The following DGKD variants were observed in gnomAD, a reference collection of about 807,000 sequenced individuals.
DGKD encodes the protein diacylglycerol kinase delta.
In DGKD, 68 loss-of-function variants were observed where a neutral mutation model predicts 154.4. The ratio of observed to expected loss-of-function variants is 0.44; its 90% confidence interval spans 0.36 to 0.54. The LOEUF (loss-of-function observed/expected upper bound fraction) is 0.54, where lower values mean the gene tolerates loss of function less well. DGKD is among the 20% of genes least tolerant of loss of function. The pLI is 0.00. For synonymous variants in DGKD, 693 were observed against 638.0 expected, an observed-to-expected ratio of 1.09 and a Z score of -1.30; for missense variants, 1,343 against 1,593.6, an observed-to-expected ratio of 0.84 and a Z score of 2.68.
chr2:233,401,953 C>G (rs183108121), intron 3 of DGKD, among the ~76,000 whole-genome samples: 1,744 of 136,558 alleles, frequency 0.013, 24 homozygotes, highest in Non-Finnish European at 0.02. Context: ...AAAAAGCAAG[C>G]ACTATAAACC....
chr2:233,359,982 A>G (rs370857417), intron 1 of DGKD, among the ~76,000 whole-genome samples: 12 of 152,312 alleles, frequency 7.9e-5, no homozygotes, highest in East Asian at 7.7e-4. Context: ...TGGGTCTGGA[A>G]GGTGAGTAGG....
chr2:233,390,077 G>T (rs1703491371), intron 2 of DGKD, among the ~76,000 whole-genome samples: 1 of 152,150 alleles, frequency 6.6e-6, no homozygotes, highest in Non-Finnish European at 1.5e-5. Flanking sequence ...GTGAATACTG[G>T]TATTGACAGT....
chr2:233,415,183 G>T (rs770659953), intron 3 of DGKD, among the ~76,000 whole-genome samples: 4 of 152,226 alleles, frequency 2.6e-5, no homozygotes, highest in African/African-American at 7.2e-5. Context: ...AGGAGACATG[G>T]CTGTTTTCCC....
intron 27 of DGKD, among the ~76,000 whole-genome samples, chr2:233,464,896 G>C (rs941740972): frequency 2.0e-5 from 3 of 152,260 alleles, no homozygotes; most frequent in African/African-American, 7.2e-5. Flanking sequence ...ACACAGAGGG[G>C]CCCTGAGGAA....
Position 233,449,996 on chromosome 2 carries a change from A to G in DGKD, c.1903A>G (p.Asn635Asp), listed in dbSNP as rs2063218272. The G allele has an allele frequency of 6.2e-7, 1 of 1,604,956 alleles. No individual in the cohort carries two copies. Residue 635 changes from asparagine (N) to aspartate (D), a missense_variant, in exon 16 of 30, where the codon AAT becomes GAT. Around this residue, in one of 6 missense-constraint regions of DGKD, gnomAD observed 409 missense variants for 446.0 expected, o/e 0.92. Coordinates refer to ENST00000264057, the MANE Select transcript of DGKD (RefSeq NM_152879.3). The surrounding 1 kb of genome is among the most constrained non-coding windows in gnomAD (Gnocchi z 5.3). Reference sequence around the variant, plus strand: ...TCCTTGCACAGCTGTCGATGAGCAGAATGCCCAGACCCAGGAGCAGGAGGG... The same window carrying G: ...TCCTTGCACAGCTGTCGATGAGCAGGATGCCCAGACCCAGGAGCAGGAGGG... ...EHTEKAVDEQ[N>D]AQTQEQEGFV...
chr2:233,465,246 AAATAAT>A (rs1332163220), intron 27 of DGKD, among the ~76,000 whole-genome samples: 1 of 152,244 alleles, frequency 6.6e-6, no homozygotes, highest in Non-Finnish European at 1.5e-5. Flanking sequence ...AAAATTACAA[AAATAAT>A]AATATACAAT....
At chr2:233,389,573 TAA>T (rs34888206) in intron 2 of DGKD, among the ~76,000 whole-genome samples, 89 of 143,086 alleles carry the variant, frequency 6.2e-4, no homozygotes, top group South Asian at 2.8e-3. Flanking sequence ...TTCCCTCAAT[TAA>T]AAAAAAAAAA....
At chr2:233,430,167 T>G (rs1340124032) in intron 3 of DGKD, among the ~76,000 whole-genome samples, 1 of 152,254 alleles carries the variant, frequency 6.6e-6, no homozygotes, top group Non-Finnish European at 1.5e-5. Context: ...GGGAATAATT[T>G]GGCAATAGCT....
rs867826595 is a variant in DGKD at position 233,354,497 on chromosome 2, G to A, written c.-22G>A. 2.0e-3 allele frequency: 1,972 copies of A among 975,700 alleles called. 40 individuals carry two copies. The African/African-American group carries it at 0.033, about 16-fold the overall frequency. 60.4% of individuals were successfully genotyped at this position (975,700 alleles called of 1,614,324 possible). ...CGGCCCCGCCCCGCCCCCGCCCGCG[G>A]TGCGCGCGCTGGCCCGGCAGCATGG... On this transcript the variant is annotated 5_prime_UTR_variant, in exon 1 of 30. The change creates a new upstream start codon in the 5' untranslated region. Coordinates refer to ENST00000264057, the MANE Select transcript of DGKD (RefSeq NM_152879.3). The surrounding 1 kb of genome is among the most constrained non-coding windows in gnomAD (Gnocchi z 4.8).
intron 3 of DGKD, among the ~76,000 whole-genome samples, chr2:233,409,798 T>G (rs894609647): frequency 1.4e-5 from 2 of 142,374 alleles, no homozygotes; most frequent in African/African-American, 2.7e-5. Context: ...TTTTTTTTTT[T>G]TTTTTTTTTT....
chr2:233,379,446 A>G (rs982168154), intron 1 of DGKD, among the ~76,000 whole-genome samples: 1 of 152,198 alleles, frequency 6.6e-6, no homozygotes, highest in African/African-American at 2.4e-5. Flanking sequence ...CTAGATGACA[A>G]GGAAAGCAAG....
At chr2:233,369,257 G>A (rs1167862564) in intron 1 of DGKD, among the ~76,000 whole-genome samples, 1 of 152,104 alleles carries the variant, frequency 6.6e-6, no homozygotes. Flanking sequence ...GGGGGCCTCA[G>A]TTTTGTCTTT....
At chr2:233,391,417 C>CCT (rs1017181940) in intron 3 of DGKD, among the ~76,000 whole-genome samples, 3 of 151,916 alleles carry the variant, frequency 2.0e-5, no homozygotes, top group African/African-American at 7.3e-5. Flanking sequence ...TTTTTCCCCC[C>CCT]CCAGGACAAT....
intron 3 of DGKD, among the ~76,000 whole-genome samples, chr2:233,426,497 G>A (rs1018818462): frequency 1.3e-5 from 2 of 152,084 alleles, no homozygotes; most frequent in Non-Finnish European, 2.9e-5. Context: ...GGAGAAGCTA[G>A]CATCTAATAC....
intron 18 of DGKD, chr2:233,454,479 T>C (rs779033802): frequency 4.1e-6 from 2 of 491,754 alleles, no homozygotes; most frequent in South Asian, 3.1e-5. Flanking sequence ...GGATGGAGAG[T>C]TAGTTGCTGA....
intron 3 of DGKD, among the ~76,000 whole-genome samples, chr2:233,397,640 C>G (rs1011374809): frequency 6.6e-6 from 1 of 152,138 alleles, no homozygotes. Context: ...TTGGGACTTA[C>G]TCCTCAGGAC....
Position 233,452,179 on chromosome 2 carries a change from TAAGG to T in DGKD, c.2264+124_2264+127del. The T allele has an allele frequency of 1.3e-5, 12 of 929,590 alleles. No individual in the cohort carries two copies. Among genetic ancestry groups the T allele is most frequent in the Non-Finnish European group, 2.0e-5 (12 of 591,788 alleles). 57.6% of individuals were successfully genotyped at this position (929,590 alleles called of 1,614,324 possible). On this transcript the variant is annotated intron_variant, in intron 18 of 29. Transcript: ENST00000264057. This position sits in a 1 kb window ranked among gnomAD's most constrained non-coding sequence, Gnocchi z 4.0. ...CAGTTGCCCAGCTGGTGGTAGCTGA[TAAGG>T]AAGGCTGAGAAGTCGTGGAGATTCC...
At chr2:233,370,569 T>TTTTTTTTG (rs769576998) in intron 1 of DGKD, among the ~76,000 whole-genome samples, 3 of 118,358 alleles carry the variant, frequency 2.5e-5, no homozygotes, top group African/African-American at 9.2e-5. Context: ...CAGAACTTCT[T>TTTTTTTTG]CTTTTTTTTT....
chr2:233,429,282 C>A, intron 3 of DGKD: 1 of 985,286 alleles, frequency 1.0e-6, no homozygotes, highest in African/African-American at 1.7e-5. Context: ...CTAATATAAT[C>A]CCCGAGTTAT....
Sources: allele counts gnomAD v4.1 joint callset (sites outside exome capture counted in the v4.1 genomes callset), GRCh38; gene constraint gnomAD v4.1.1; regional missense constraint gnomAD v4.1.1; non-coding constraint Gnocchi (gnomAD v3.1); transcripts MANE v1.5; gene names NCBI Gene and HGNC (gene_info 2026-07-23, HGNC 2026-07-21).